Variants in DENND1A observed in about 807,000 individuals in gnomAD.
DENND1A encodes DENN domain containing 1A.
DENND1A carries 51 observed loss-of-function variants against 113.7 expected under a neutral mutation model. The observed-to-expected ratio is 0.45, with a 90% CI of 0.36 to 0.57. DENND1A has a LOEUF of 0.57. Among genes scored for constraint, DENND1A ranks in the 20% least tolerant of loss-of-function variants. The pLI, the probability that DENND1A is intolerant of heterozygous loss-of-function variation, is 0.00. For synonymous variants in DENND1A, 565 were observed against 570.8 expected, an observed-to-expected ratio of 0.99 and a Z score of 0.14; for missense variants, 1,258 against 1,395.9, an observed-to-expected ratio of 0.90 and a Z score of 1.57.
chr9:123,607,508 CACACACACACACAG>C (rs1224709122), intron 11 of DENND1A, among the ~76,000 whole-genome samples: 4 of 88,446 alleles, frequency 4.5e-5, no homozygotes, highest in African/African-American at 2.0e-4. Flanking sequence ...CACACACACA[CACACACACACACAG>C]AGAGAGAGAG....
chr9:123,769,683 G>A (rs980537981), intron 3 of DENND1A, 120 bp from the exon 4 acceptor site: 5 of 717,470 alleles, frequency 7.0e-6, no homozygotes, highest in East Asian at 5.6e-5. Flanking sequence ...AAGAAATATG[G>A]GCTTTATCAA....
At chr9:123,548,183 G>A (rs2056824554) in intron 13 of DENND1A, among the ~76,000 whole-genome samples, 1 of 152,084 alleles carries the variant, frequency 6.6e-6, no homozygotes, top group African/African-American at 2.4e-5. Flanking sequence ...AAGTCCTGGG[G>A]CAGAAGCACC....
At chr9:123,823,310 T>C (rs1183389979) in intron 2 of DENND1A, among the ~76,000 whole-genome samples, 1 of 152,112 alleles carries the variant, frequency 6.6e-6, no homozygotes, top group Non-Finnish European at 1.5e-5. Context: ...TGCAAAGGAA[T>C]TGGATAGGCA....
At chr9:123,833,151 A>G (rs1191176559) in intron 2 of DENND1A, among the ~76,000 whole-genome samples, 2 of 147,034 alleles carry the variant, frequency 1.4e-5, no homozygotes, top group Non-Finnish European at 3.0e-5. Context: ...AAAAAAAAGG[A>G]AACGAAAGAA....
At chr9:123,587,331 G>A (rs1169422471) in intron 11 of DENND1A, among the ~76,000 whole-genome samples, 1 of 152,120 alleles carries the variant, frequency 6.6e-6, no homozygotes, top group Non-Finnish European at 1.5e-5. Context: ...TTCTAACAGA[G>A]CCTTAAAACA....
intron 10 of DENND1A, among the ~76,000 whole-genome samples, chr9:123,621,395 C>G (rs572572546): frequency 6.6e-6 from 1 of 152,162 alleles, no homozygotes; most frequent in East Asian, 1.9e-4. Context: ...CTATGTTGCC[C>G]AGGCTGGTCT....
chr9:123,457,237 G>A, intron 15 of DENND1A, 111 bp downstream of exon 15: 1 of 816,398 alleles, frequency 1.2e-6, no homozygotes, highest in Non-Finnish European at 2.1e-6. Context: ...CTTGAAAGCA[G>A]TCTCTTCCTA....
chr9:123,540,880 C>T (rs972101382), intron 13 of DENND1A, among the ~76,000 whole-genome samples: 5 of 152,140 alleles, frequency 3.3e-5, no homozygotes, highest in African/African-American at 1.2e-4. Flanking sequence ...CAAAGAGGAT[C>T]GGAAGCAGCA....
intron 13 of DENND1A, among the ~76,000 whole-genome samples, chr9:123,471,247 C>G (rs1048600929): frequency 6.6e-6 from 1 of 152,176 alleles, no homozygotes; most frequent in Non-Finnish European, 1.5e-5. Flanking sequence ...CTTAACATGT[C>G]TGGAACGTGG....
At position 123,454,854 on chromosome 9, in the gene DENND1A, T is replaced by C. The variant is rs1700058153; in HGVS notation, c.1187-75A>G. ...CTTGGGAGTCCTTAAAATTGCTTTT[T>C]TTTTTTTTTTTGAGATGGAGTCTCA... is the stretch of plus-strand genomic sequence containing the variant. On this transcript the variant is annotated intron_variant, in intron 15 of 23. Coordinates refer to ENST00000394215, the MANE Select transcript of DENND1A (RefSeq NM_001352964.2). 6 of 1,397,926 alleles carry C rather than the reference T, an allele frequency of 4.3e-6. No homozygotes were observed. The African/African-American group carries it at 5.8e-5, about 13-fold the overall frequency. 86.6% of individuals were successfully genotyped at this position (1,397,926 alleles called of 1,614,324 possible).
In DENND1A at chr9:123,382,321, G is replaced by A. The variant is rs1487037786; in HGVS notation, c.2324C>T (p.Pro775Leu). The change falls in exon 24 of 24, where the codon CCT becomes CTT. Residue 775 changes from proline to leucine, a missense_variant. Pro to Leu is a moderately conservative substitution (Grantham distance 98). Transcript: ENST00000394215. The stretch of plus-strand genomic sequence containing the variant: ...GGCCGGGCGGGGAATGGGCGGTGGA[G>A]GCACGATGCCCAGCTCTGGGGTCTT... ...GRKTPELGIV[P>L]PPPIPRPAKL... 2 of 1,610,094 alleles carry A rather than the reference G, an allele frequency of 1.2e-6. No homozygotes were observed. Among genetic ancestry groups the A allele is most frequent in the East Asian group, 2.2e-5 (1 of 44,856 alleles).
chr9:123,423,969 G>A (rs1381095192), intron 19 of DENND1A, among the ~76,000 whole-genome samples: 2 of 152,206 alleles, frequency 1.3e-5, no homozygotes, highest in African/African-American at 2.4e-5. Context: ...TGGCCTGGGG[G>A]CTGAAGAGCT....
chr9:123,855,118 C>T (rs1843967249), intron 2 of DENND1A, among the ~76,000 whole-genome samples: 1 of 151,296 alleles, frequency 6.6e-6, no homozygotes, highest in Non-Finnish European at 1.5e-5. Flanking sequence ...CATTGCCTTG[C>T]TTATTTGGAC....
At chr9:123,845,404 C>A (rs1564378047) in intron 2 of DENND1A, among the ~76,000 whole-genome samples, 1 of 151,856 alleles carries the variant, frequency 6.6e-6, no homozygotes, top group Admixed American at 6.6e-5. Flanking sequence ...CTGGTTCATG[C>A]CTTTAATCCC....
intron 5 of DENND1A, among the ~76,000 whole-genome samples, chr9:123,755,997 A>G (rs1454545260): frequency 6.6e-6 from 1 of 152,060 alleles, no homozygotes; most frequent in Non-Finnish European, 1.5e-5. Flanking sequence ...TGCAACCTCC[A>G]TGTCTCGGAT....
intron 12 of DENND1A, among the ~76,000 whole-genome samples, chr9:123,581,439 G>A (rs987937805): frequency 6.6e-6 from 1 of 152,054 alleles, no homozygotes; most frequent in African/African-American, 2.4e-5. Flanking sequence ...TATGAGACCA[G>A]TCTGGGCAAC....
chr9:123,504,819 A>G (rs2052778363), intron 13 of DENND1A, among the ~76,000 whole-genome samples: 1 of 152,330 alleles, frequency 6.6e-6, no homozygotes, highest in East Asian at 1.9e-4. Context: ...GTGACCAATC[A>G]GGGCCTCACA....
chr9:123,451,615 C>G (rs908375492), intron 17 of DENND1A, among the ~76,000 whole-genome samples: 2 of 152,114 alleles, frequency 1.3e-5, no homozygotes, highest in Admixed American at 6.5e-5. Flanking sequence ...TATTTTGACC[C>G]AATAATGGGG....
At chr9:123,595,487 G>T (rs941431239) in intron 11 of DENND1A, among the ~76,000 whole-genome samples, 2 of 152,088 alleles carry the variant, frequency 1.3e-5, no homozygotes, top group Admixed American at 6.5e-5. Context: ...CCTTGTGGAT[G>T]GGCTGTGGGT....
Sources: allele counts gnomAD v4.1 joint callset (sites outside exome capture counted in the v4.1 genomes callset), GRCh38; gene constraint gnomAD v4.1.1; transcripts MANE v1.5; gene names NCBI Gene and HGNC (gene_info 2026-07-23, HGNC 2026-07-21).